The following CSMD1 variants were observed in gnomAD, a reference collection of about 807,000 sequenced individuals.
The protein encoded by CSMD1 is CUB and Sushi multiple domains 1.
A neutral mutation model predicts 417.5 loss-of-function variants in CSMD1; 213 were observed. The observed-to-expected ratio is 0.51, with a 90% CI of 0.46 to 0.57. The LOEUF (loss-of-function observed/expected upper bound fraction) is 0.57, where lower values mean the gene tolerates loss of function less well. Ranked by LOEUF, CSMD1 falls within the 20% of genes least tolerant of loss-of-function variation. CSMD1 has a pLI of 0.00. For synonymous variants in CSMD1, 2,862 were observed against 1,736.8 expected, an observed-to-expected ratio of 1.65 and a Z score of -16.11; for missense variants, 6,923 against 4,529.7, an observed-to-expected ratio of 1.53 and a Z score of -15.17.
At chr8:4,209,104 G>T (rs868700769) in intron 3 of CSMD1, among the ~76,000 whole-genome samples, 3 of 152,138 alleles carry the variant, frequency 2.0e-5, no homozygotes, top group African/African-American at 7.2e-5. Context: ...GCTCGCTGAT[G>T]ATTTACAGTG....
intron 25 of CSMD1, among the ~76,000 whole-genome samples, chr8:3,305,017 A>G (rs1563250275): frequency 6.6e-5 from 10 of 152,196 alleles, no homozygotes; most frequent in African/African-American, 2.4e-4. Context: ...GCATTTGTGA[A>G]TTCAAAGTTA....
At chr8:4,060,195 C>A (rs914862759) in intron 3 of CSMD1, among the ~76,000 whole-genome samples, 2 of 151,702 alleles carry the variant, frequency 1.3e-5, no homozygotes, top group Non-Finnish European at 2.9e-5. Context: ...ACAAAAACCA[C>A]ATGATTATTT....
chr8:3,382,396 ATG>A (rs1255163336), intron 18 of CSMD1, among the ~76,000 whole-genome samples: 3 of 144,802 alleles, frequency 2.1e-5, no homozygotes, highest in Non-Finnish European at 3.0e-5. Flanking sequence ...AGTTATATAT[ATG>A]TTATTATATA....
intron 1 of CSMD1, among the ~76,000 whole-genome samples, chr8:4,993,604 G>A (rs559144516): frequency 4.0e-4 from 61 of 152,260 alleles, no homozygotes; most frequent in African/African-American, 1.4e-3. Context: ...GACCAGCGTA[G>A]AAGGAGGATA....
intron 18 of CSMD1, among the ~76,000 whole-genome samples, chr8:3,378,644 A>C (rs574114830): frequency 5.2e-4 from 79 of 152,196 alleles, no homozygotes; most frequent in Non-Finnish European, 9.8e-4. Flanking sequence ...CCAATGACAA[A>C]AACCACATGA....
At chr8:4,688,656 A>C (rs1249151975) in intron 1 of CSMD1, among the ~76,000 whole-genome samples, 1 of 152,160 alleles carries the variant, frequency 6.6e-6, no homozygotes, top group Non-Finnish European at 1.5e-5. Context: ...TCTTTACCTA[A>C]GAACAATGCT....
intron 49 of CSMD1, among the ~76,000 whole-genome samples, chr8:3,080,091 A>C (rs1813976029): frequency 6.6e-6 from 1 of 152,212 alleles, no homozygotes; most frequent in African/African-American, 2.4e-5. Context: ...AACAATAGAC[A>C]AACTCCACTC....
intron 1 of CSMD1, among the ~76,000 whole-genome samples, chr8:4,757,072 T>C (rs776933491): frequency 3.9e-4 from 59 of 152,162 alleles, no homozygotes; most frequent in African/African-American, 1.4e-3. Flanking sequence ...GAAACAGAAA[T>C]GGCAAGAAAC....
chr8:4,299,330 C>T (rs1021573388), intron 3 of CSMD1, among the ~76,000 whole-genome samples: 4 of 152,222 alleles, frequency 2.6e-5, no homozygotes, highest in East Asian at 3.9e-4. Context: ...TAAATAATTA[C>T]TTCCAAGAGG....
intron 3 of CSMD1, among the ~76,000 whole-genome samples, chr8:4,046,956 G>T (rs1251431087): frequency 1.3e-5 from 2 of 152,122 alleles, no homozygotes; most frequent in Admixed American, 6.6e-5. Flanking sequence ...CTCCACCTTT[G>T]TCTCAGATCT....
chr8:4,819,163 TC>T (rs1439214687), intron 1 of CSMD1, among the ~76,000 whole-genome samples: 3 of 152,146 alleles, frequency 2.0e-5, no homozygotes, highest in Admixed American at 1.3e-4. Flanking sequence ...CTGGTGTCCT[TC>T]CACTCTCAAG....
At chr8:3,571,372 G>C (rs1169098060) in intron 10 of CSMD1, among the ~76,000 whole-genome samples, 1 of 152,166 alleles carries the variant, frequency 6.6e-6, no homozygotes, top group East Asian at 1.9e-4. Context: ...ATTGGTTCCT[G>C]AAGTCTGTTC....
intron 5 of CSMD1, among the ~76,000 whole-genome samples, chr8:3,966,336 G>C (rs1390889629): frequency 6.6e-6 from 1 of 152,130 alleles, no homozygotes; most frequent in Non-Finnish European, 1.5e-5. Context: ...ATCTTGCTCA[G>C]TCATCATTCA....
At chr8:4,528,886 C>T (rs1563259220) in intron 2 of CSMD1, among the ~76,000 whole-genome samples, 1 of 152,060 alleles carries the variant, frequency 6.6e-6, no homozygotes, top group Non-Finnish European at 1.5e-5. Flanking sequence ...ATGTCTTAAG[C>T]TTTCCATGTT....
chr8:3,569,814 G>A (rs1313558450), intron 10 of CSMD1, among the ~76,000 whole-genome samples: 5 of 152,166 alleles, frequency 3.3e-5, no homozygotes, highest in African/African-American at 7.2e-5. Context: ...GCCTTCAGGT[G>A]TCTAAGTGGT....
intron 3 of CSMD1, among the ~76,000 whole-genome samples, chr8:4,168,271 G>C (rs1015582451): frequency 6.6e-6 from 1 of 151,528 alleles, no homozygotes; most frequent in Non-Finnish European, 1.5e-5. Context: ...GGATGCACCT[G>C]TACTCCCAAC....
Position 3,162,177 on chromosome 8 carries a change from C to T in CSMD1, c.5826G>A (p.Glu1942=). 1.9e-6 allele frequency: 3 copies of T among 1,606,732 alleles called. No individual in the cohort carries two copies. The stretch of plus-strand genomic sequence containing the variant: ...AGGATACCTGCAGGGTGTACCCGGG[C>T]TCGCACTGGAAGGAGAGCACGTCGT... The part of the protein sequence containing the change: ...MVNDVLSFQC[E]PGYTLQGRSH... The change falls in exon 38 of 70, where the codon GAG becomes GAA. Residue 1942 remains glutamate, a synonymous_variant. Coordinates refer to ENST00000635120, the MANE Select transcript of CSMD1 (RefSeq NM_033225.6).
At chr8:4,530,137 T>C (rs977346986) in intron 2 of CSMD1, among the ~76,000 whole-genome samples, 3 of 151,596 alleles carry the variant, frequency 2.0e-5, no homozygotes, top group Non-Finnish European at 4.4e-5. Flanking sequence ...ATGGTCTCGA[T>C]CTCCTGACCT....
intron 3 of CSMD1, among the ~76,000 whole-genome samples, chr8:4,060,664 G>C (rs1353869272): frequency 6.6e-6 from 1 of 152,056 alleles, no homozygotes; most frequent in African/African-American, 2.4e-5. Context: ...AGCGGCACCT[G>C]GCATGAACAT....
Sources: gnomAD v4.1 joint callset for allele counts (sites outside exome capture counted in the v4.1 genomes callset) on GRCh38, gnomAD v4.1.1 for gene constraint, MANE v1.5 for transcripts, NCBI Gene and HGNC (gene_info 2026-07-23, HGNC 2026-07-21) for gene names.